Variants in AHCY observed in about 807,000 individuals in gnomAD.
AHCY encodes the protein S-adenosyl-L-homocysteine hydrolase.
Under a neutral mutation model 45.4 loss-of-function variants are expected in AHCY, and 24 were observed. The observed-to-expected ratio is 0.53, with a 90% CI of 0.38 to 0.74. The LOEUF (loss-of-function observed/expected upper bound fraction) is 0.74. Ranked by LOEUF, AHCY falls within the 30% of genes least tolerant of loss-of-function variation. AHCY has a pLI of 0.00. For synonymous variants in AHCY, 245 were observed against 235.1 expected (o/e 1.04, Z -0.39); for missense variants, 449 against 594.1 (o/e 0.76, Z 2.54).
intron 5 of AHCY, 148 bp downstream of exon 5, chr20:34,291,271 G>A (rs932262686): frequency 3.8e-5 from 29 of 769,676 alleles, no homozygotes; most frequent in African/African-American, 3.6e-4. Context: ...CCTTTTAAAC[G>A]CACTCATTAG....
chr20:34,260,884 G>A, the AHCY span, among the ~76,000 whole-genome samples: 18 of 152,306 alleles, frequency 1.2e-4, no homozygotes, highest in South Asian at 8.3e-4. Context: ...GCAAGTCTGG[G>A]ATGGACCAGT....
the AHCY span, among the ~76,000 whole-genome samples, chr20:34,249,020 T>G: frequency 6.7e-6 from 1 of 149,860 alleles, no homozygotes; most frequent in South Asian, 2.1e-4. Context: ...TCCCAGCTAC[T>G]AGGGAGGCTG....
chr20:34,256,987 A>C, the AHCY span, among the ~76,000 whole-genome samples: 7 of 150,234 alleles, frequency 4.7e-5, no homozygotes, highest in South Asian at 1.5e-3. Context: ...ACATTCCACC[A>C]CATCTCCATC....
the AHCY span, among the ~76,000 whole-genome samples, chr20:34,235,872 A>AG: frequency 1.3e-3 from 91 of 69,216 alleles, no homozygotes; most frequent in East Asian, 9.7e-3. Flanking sequence ...AAGGAAAGGA[A>AG]GGAAGGAAGG....
intron 8 of AHCY, 116 bp from the exon 9 acceptor site, chr20:34,285,750 C>G: frequency 3.7e-6 from 4 of 1,080,690 alleles, no homozygotes; most frequent in Non-Finnish European, 5.5e-6. Flanking sequence ...CGAACTGCTC[C>G]AAAACAACCT....
chr20:34,235,674 C>T, the AHCY span, among the ~76,000 whole-genome samples: 3 of 151,278 alleles, frequency 2.0e-5, no homozygotes, highest in Admixed American at 6.6e-5. Context: ...GCCCCTACTA[C>T]TCAGGAGGCA....
At chr20:34,235,805 GA>G in the AHCY span, among the ~76,000 whole-genome samples, 2 of 54,034 alleles carry the variant, frequency 3.7e-5, no homozygotes, top group African/African-American at 4.3e-4. Flanking sequence ...AAGAAAGAAA[GA>G]AAGAAAGAAA....
At position 34,280,946 on chromosome 20, in the gene AHCY, T is replaced by C. The variant is rs2035979525; in HGVS notation, c.*88A>G. The C allele has an allele frequency of 1.3e-6, 2 of 1,582,894 alleles. No homozygotes were observed. Among genetic ancestry groups the C allele is most frequent in the African/African-American group, 2.7e-5 (2 of 74,350 alleles). ...TCGATGGGGGACACTGACAAACCAA[T>C]CACAAAGTTGGTGCCATTAGCTCTT... On this transcript the variant is annotated 3_prime_UTR_variant, in exon 10 of 10. Transcript: ENST00000217426.
the AHCY span, among the ~76,000 whole-genome samples, chr20:34,267,302 G>C: frequency 6.6e-6 from 1 of 151,862 alleles, no homozygotes; most frequent in Non-Finnish European, 1.5e-5. Flanking sequence ...AGAGTGGTCT[G>C]GGAAGGCCTC....
Position 34,292,441 on chromosome 20 carries a change from T to C in AHCY, c.362A>G (p.Lys121Arg). The change falls in exon 4 of 10, where the codon AAG becomes AGG. Residue 121 changes from lysine to arginine, a missense_variant. Physicochemically the swap from Lys to Arg is conservative, Grantham distance 26 (BLOSUM62 2). Coordinates refer to ENST00000217426, the MANE Select transcript of AHCY (RefSeq NM_000687.4). ...CAGAATCATGTTGAGGGGCCCGTCC[T>C]TGAAGTACAGGGTCTGCTCAATGCA... Reference protein sequence around the residue: ...LWCIEQTLYFKDGPLNMILDD... With the variant: ...LWCIEQTLYFRDGPLNMILDD... 6.2e-7 allele frequency: 1 copy of C among 1,614,116 alleles called. No homozygotes were observed. Among genetic ancestry groups the C allele is most frequent in the Non-Finnish European group, 8.5e-7 (1 of 1,180,048 alleles).
the AHCY span, chr20:34,269,098 G>A: frequency 2.5e-6 from 4 of 1,570,888 alleles, no homozygotes; most frequent in East Asian, 4.8e-5. Context: ...GCTGCGACCC[G>A]TGCGCCTCCT....
At chr20:34,275,944 G>A (rs1390372696), downstream of AHCY, among the ~76,000 whole-genome samples, 1 of 151,886 alleles carries the variant, frequency 6.6e-6, no homozygotes, top group Admixed American at 6.6e-5. Flanking sequence ...GCCCACCTTG[G>A]CCTCCCAAAG....
the AHCY span, among the ~76,000 whole-genome samples, chr20:34,232,491 A>G: frequency 1.3e-5 from 2 of 152,174 alleles, no homozygotes. Context: ...CACTGTCAAT[A>G]AATCCCCAAG....
chr20:34,278,999 C>T (rs2035937182), downstream of AHCY, among the ~76,000 whole-genome samples: 1 of 149,772 alleles, frequency 6.7e-6, no homozygotes, highest in Non-Finnish European at 1.5e-5. Context: ...ATCCCAGCTA[C>T]TTGGGAGGCT....
rs746105486 is a variant in AHCY, at chr20:34,281,082, C to T, written c.1251G>A (p.Leu417=). 2.5e-6 allele frequency: 4 copies of T among 1,614,044 alleles called. No homozygotes were observed. In the South Asian group the frequency reaches 4.4e-5, roughly 18 times the overall value. ...TGAAGGGGCCATCACAGGACATGCC[C>T]AGGTACTGGGCTTGCTTCTCAGTTA... ...TKLTEKQAQY[L]GMSCDGPFKP... Residue 417 remains leucine, a synonymous_variant, in exon 10 of 10, where the codon CTG becomes CTA. Transcript: ENST00000217426.
chr20:34,298,420 G>A (rs2036644094), intron 1 of AHCY, among the ~76,000 whole-genome samples: 1 of 152,082 alleles, frequency 6.6e-6, no homozygotes. Context: ...ATAGTGAGGT[G>A]TGACCAGAAG....
intron 1 of AHCY, among the ~76,000 whole-genome samples, chr20:34,308,411 A>G (rs1367966156): frequency 6.6e-6 from 1 of 152,132 alleles, no homozygotes; most frequent in Admixed American, 6.5e-5. Flanking sequence ...TTAGCCGGGC[A>G]TGGTGGCATG....
chr20:34,265,823 G>A, the AHCY span, among the ~76,000 whole-genome samples: 7 of 151,766 alleles, frequency 4.6e-5, no homozygotes, highest in Non-Finnish European at 8.8e-5. Flanking sequence ...GGTGCTGCAC[G>A]CCTGTAATCC....
the AHCY span, among the ~76,000 whole-genome samples, chr20:34,266,576 G>A: frequency 6.6e-6 from 1 of 151,796 alleles, no homozygotes; most frequent in Non-Finnish European, 1.5e-5. Flanking sequence ...GGGAGACTGA[G>A]GCAGGAGAAT....
Sources: allele counts gnomAD v4.1 joint callset (sites outside exome capture counted in the v4.1 genomes callset), GRCh38; gene constraint gnomAD v4.1.1; transcripts MANE v1.5; gene names NCBI Gene and HGNC (gene_info 2026-07-23, HGNC 2026-07-21).